Variants in LYSET observed in about 807,000 individuals in gnomAD.
The protein encoded by LYSET is lysosomal enzyme trafficking factor, also known as GNPTAB cleavage and activity factor.
At chr14:93,186,811 A>G in the LYSET span, 6 of 861,206 alleles carry the variant, frequency 7.0e-6, no homozygotes, top group Non-Finnish European at 1.0e-5. Flanking sequence ...TTAGGGAGCT[A>G]TCTTTATCTG....
chr14:93,186,533 A>G, the LYSET span: 4 of 1,614,226 alleles, frequency 2.5e-6, no homozygotes, highest in Non-Finnish European at 3.4e-6. Flanking sequence ...TTTTGTTCCT[A>G]TACTCTTGTA....
chr14:93,186,159 G>C, the LYSET span: 1 of 1,242,064 alleles, frequency 8.1e-7, no homozygotes. Context: ...GCGAGCCACC[G>C]CGCCCGGCCT....
At chr14:93,186,265 G>A in the LYSET span, 1 of 1,612,242 alleles carries the variant, frequency 6.2e-7, no homozygotes, top group Middle Eastern at 1.6e-4. Flanking sequence ...TGAAGGCACA[G>A]AGCATGGAGA....
the LYSET span, chr14:93,186,338 A>G: frequency 6.2e-7 from 1 of 1,614,218 alleles, no homozygotes; most frequent in Admixed American, 1.7e-5. Context: ...TAGCCAGTGC[A>G]GCAGCATTTT....
At chr14:93,185,951 C>T in the LYSET span, among the ~76,000 whole-genome samples, 1 of 151,114 alleles carries the variant, frequency 6.6e-6, no homozygotes, top group African/African-American at 2.4e-5. Context: ...TCTCTGCAAG[C>T]TCTGCCTCCT....
the LYSET span, chr14:93,186,323 T>C: frequency 6.2e-7 from 1 of 1,614,192 alleles, no homozygotes; most frequent in Non-Finnish European, 8.5e-7. Context: ...TGGGATTGTA[T>C]CTGTTAGCCA....
chr14:93,185,583 C>G, the LYSET span: 1 of 1,022,276 alleles, frequency 9.8e-7, no homozygotes, highest in Non-Finnish European at 1.5e-6. Context: ...AAGTGTTTCA[C>G]CTGTCAAAGT....
chr14:93,186,171 G>T, the LYSET span: 1 of 1,363,684 alleles, frequency 7.3e-7, no homozygotes, highest in Non-Finnish European at 1.0e-6. Context: ...GCCCGGCCTA[G>T]AATTCTTGGA....
chr14:93,186,450 T>A, the LYSET span: 1 of 1,614,254 alleles, frequency 6.2e-7, no homozygotes, highest in Non-Finnish European at 8.5e-7. Context: ...GACACACTCC[T>A]TGAAAGCTCA....
the LYSET span, chr14:93,185,179 A>G: frequency 5.1e-6 from 1 of 195,532 alleles, no homozygotes; most frequent in Admixed American, 6.1e-5. Context: ...GCAGCGCGGC[A>G]GGGGGCGGGG....
the LYSET span, among the ~76,000 whole-genome samples, chr14:93,187,470 C>G: frequency 1.3e-5 from 2 of 151,790 alleles, no homozygotes; most frequent in Non-Finnish European, 2.9e-5. Flanking sequence ...GTGACACAGT[C>G]TCAGAAGGCC....
chr14:93,188,065 TCTC>T, the LYSET span, among the ~76,000 whole-genome samples: 2 of 151,442 alleles, frequency 1.3e-5, no homozygotes, highest in Non-Finnish European at 1.5e-5. Flanking sequence ...TTCATGCTAT[TCTC>T]CTGCCTCAGA....
chr14:93,185,484 T>C, the LYSET span: 8 of 1,610,982 alleles, frequency 5.0e-6, no homozygotes, highest in Non-Finnish European at 5.9e-6. Context: ...TTCGGGACCA[T>C]TGTAAGTGCT....
the LYSET span, among the ~76,000 whole-genome samples, chr14:93,187,371 C>G: frequency 6.6e-6 from 1 of 152,084 alleles, no homozygotes; most frequent in South Asian, 2.1e-4. Context: ...CTTTCCTCCT[C>G]TCTCTGGCTC....
At chr14:93,185,921 T>G in the LYSET span, among the ~76,000 whole-genome samples, 1 of 150,584 alleles carries the variant, frequency 6.6e-6, no homozygotes, top group Non-Finnish European at 1.5e-5. Flanking sequence ...CAGGCTGGAG[T>G]GCAGTGGCGT....
chr14:93,185,434 T>C, the LYSET span: 1 of 1,613,646 alleles, frequency 6.2e-7, no homozygotes. Context: ...TATTCAGAGC[T>C]GAGTGACTCT....
chr14:93,186,535 A>G, the LYSET span: 1 of 1,614,082 alleles, frequency 6.2e-7, no homozygotes, highest in South Asian at 1.1e-5. Flanking sequence ...TTGTTCCTAT[A>G]CTCTTGTACA....
the LYSET span, chr14:93,185,123 G>C: frequency 6.6e-6 from 1 of 150,440 alleles, no homozygotes. Flanking sequence ...GGCGAGGCCC[G>C]GGCCTGGCGC....
chr14:93,185,250 G>A, the LYSET span: 2 of 537,264 alleles, frequency 3.7e-6, no homozygotes, highest in South Asian at 2.7e-5. Context: ...TTCTCAGAGC[G>A]GGTCTCCGGC....
Sources: gnomAD v4.1 joint callset for allele counts (sites outside exome capture counted in the v4.1 genomes callset) on GRCh38, gnomAD v4.1.1 for gene constraint, MANE v1.5 for transcripts, NCBI Gene and HGNC (gene_info 2026-07-23, HGNC 2026-07-21) for gene names.